Variants in LRCH2 observed in about 807,000 individuals in gnomAD.
LRCH2 encodes the protein leucine rich repeats and calponin homology domain containing 2.
LRCH2 carries 38 observed loss-of-function variants against 68.9 expected under a neutral mutation model. The ratio of observed to expected loss-of-function variants is 0.55; its 90% CI spans 0.43 to 0.72. LRCH2 has a LOEUF of 0.72. Among genes scored for constraint, LRCH2 ranks in the 30% least tolerant of loss-of-function variants. The pLI, the probability that LRCH2 is intolerant of heterozygous loss-of-function variation, is 0.00. For synonymous variants in LRCH2, 191 were observed against 208.1 expected (o/e 0.92, Z 0.71); for missense variants, 528 against 572.9 (o/e 0.92, Z 0.80).
chrX:115,152,617 A>G (rs2072440676), intron 12 of LRCH2, among the ~76,000 whole-genome samples: 1 of 111,793 alleles, frequency 8.9e-6, no homozygotes, highest in African/African-American at 3.2e-5. Flanking sequence ...AATGAATAGA[A>G]CATCAATGTT....
intron 1 of LRCH2, among the ~76,000 whole-genome samples, chrX:115,207,596 A>G (rs2072978283): frequency 9.0e-6 from 1 of 111,581 alleles, no homozygotes; most frequent in Non-Finnish European, 1.9e-5. Flanking sequence ...TCCGTGGGAG[A>G]TTCACTTCAC....
chrX:115,227,439 A>T (rs1376747228), intron 1 of LRCH2, among the ~76,000 whole-genome samples: 1 of 110,262 alleles, frequency 9.1e-6, no homozygotes, highest in Non-Finnish European at 1.9e-5. Flanking sequence ...GAAATCATTA[A>T]CTCACTGAAA....
chrX:115,233,381 T>C (rs2147375914), intron 1 of LRCH2, among the ~76,000 whole-genome samples: 1 of 111,470 alleles, frequency 9.0e-6, no homozygotes, highest in African/African-American at 3.3e-5. Flanking sequence ...TCCAGGAGAG[T>C]TGAAAGAAGT....
rs2072152750 is a variant in LRCH2 at position 115,122,556 on chromosome X, C to A, written c.2149G>T (p.Asp717Tyr). The A allele has an allele frequency of 1.7e-6, 2 of 1,208,512 alleles. No individual in the cohort carries two copies. Among genetic ancestry groups the A allele is most frequent in the Non-Finnish European group, 2.2e-6 (2 of 894,495 alleles). The change falls in exon 20 of 21, where the codon GAT becomes TAT. Residue 717 changes from aspartate (D) to tyrosine (Y), a missense_variant. By Grantham distance (160) the Asp-to-Tyr change is radical (BLOSUM62 -3). Transcript: ENST00000317135. Reference protein sequence around the residue: ...KCRRNVENFLDACKKLGVSQE... With the variant: ...KCRRNVENFLYACKKLGVSQE... ...GAGACACCCAACTTTTTACAAGCATCAAGAAAATTTTCTACATTTCTTCGA... is the reference window on the plus strand; with the variant it reads ...GAGACACCCAACTTTTTACAAGCATAAAGAAAATTTTCTACATTTCTTCGA...
At chrX:115,200,434 T>C (rs2147342821) in intron 1 of LRCH2, among the ~76,000 whole-genome samples, 1 of 108,981 alleles carries the variant, frequency 9.2e-6, no homozygotes, top group East Asian at 2.9e-4. Context: ...CAATGAGAAA[T>C]AAAAAAGGAA....
At chrX:115,114,879 A>G (rs1364437775) in intron 20 of LRCH2, among the ~76,000 whole-genome samples, 1 of 110,778 alleles carries the variant, frequency 9.0e-6, no homozygotes, top group Non-Finnish European at 1.9e-5. Flanking sequence ...TACAAGATCA[A>G]TAAAAGAAAA....
intron 5 of LRCH2, among the ~76,000 whole-genome samples, chrX:115,172,053 C>T (rs782596236): frequency 9.0e-6 from 1 of 111,263 alleles, no homozygotes; most frequent in South Asian, 3.8e-4. Flanking sequence ...TATTTGCCCT[C>T]ATATTTATTA....
At chrX:115,192,017 G>A (rs2072836480) in intron 1 of LRCH2, 3 of 1,166,418 alleles carry the variant, frequency 2.6e-6, no homozygotes, top group African/African-American at 3.6e-5. Flanking sequence ...GGAGGAGGAG[G>A]CCACTACGAA....
chrX:115,190,423 C>T lies in LRCH2; in HGVS notation c.350-2053G>A, dbSNP rs782117071. 8.6e-6 allele frequency: 10 copies of T among 1,163,381 alleles called. No homozygotes were observed. The highest frequency in any genetic ancestry group is 3.3e-5 in the East Asian group (1 of 30,621). On this transcript the variant is annotated intron_variant, in intron 1 of 20. Coordinates refer to ENST00000317135, the MANE Select transcript of LRCH2 (RefSeq NM_020871.4). ...ACCGCCATCTTATGGAGGAGGATGC[C>T]GCTACGAGGAGTACCAGGGCAACTC...
intron 1 of LRCH2, among the ~76,000 whole-genome samples, chrX:115,219,883 T>C (rs186905968): frequency 8.1e-5 from 9 of 111,477 alleles, no homozygotes; most frequent in Non-Finnish European, 1.5e-4. Flanking sequence ...TTGAGACAGA[T>C]TGTGGTTGAG....
At chrX:115,167,314 GA>G (rs1222165289) in intron 6 of LRCH2, among the ~76,000 whole-genome samples, 1 of 105,815 alleles carries the variant, frequency 9.5e-6, no homozygotes, top group Non-Finnish European at 1.9e-5. Flanking sequence ...GTACTATGCT[GA>G]ATGCTTAAGA....
Position 115,203,555 on chromosome X carries a change from T to C in LRCH2, c.350-15185A>G, listed in dbSNP as rs181418002. Among the ~76,000 whole-genome samples, 186 of 112,766 alleles carry C rather than the reference T, an allele frequency of 1.6e-3. 2 individuals carry two copies. The highest frequency in any genetic ancestry group is 4.6e-3 in the Middle Eastern group (1 of 216). On this transcript the variant is annotated intron_variant, in intron 1 of 20. Coordinates refer to ENST00000317135, the MANE Select transcript of LRCH2 (RefSeq NM_020871.4). ...CCTATATACAATGGGGGTACAGGCA[T>C]TGTGTAAATACACACGTTCCAAATG... is the stretch of plus-strand genomic sequence containing the variant.
chrX:115,191,868 C>G (rs781842556), intron 1 of LRCH2: 2 of 1,161,537 alleles, frequency 1.7e-6, no homozygotes, highest in Non-Finnish European at 2.3e-6. Flanking sequence ...CCAGCCGGAA[C>G]GACCCCTGCA....
intron 20 of LRCH2, among the ~76,000 whole-genome samples, chrX:115,117,208 T>C (rs2147339687): frequency 9.0e-6 from 1 of 111,639 alleles, no homozygotes; most frequent in South Asian, 3.7e-4. Flanking sequence ...ATCATTAGTC[T>C]TTAGGAAAAT....
At chrX:115,148,555 A>G (rs1168423256) in intron 14 of LRCH2, among the ~76,000 whole-genome samples, 1 of 111,941 alleles carries the variant, frequency 8.9e-6, no homozygotes, top group Non-Finnish European at 1.9e-5. Context: ...CCCCCATACC[A>G]TCAGTCATTC....
At chrX:115,210,785 A>G (rs1162600762) in intron 1 of LRCH2, among the ~76,000 whole-genome samples, 1 of 111,936 alleles carries the variant, frequency 8.9e-6, no homozygotes, top group Non-Finnish European at 1.9e-5. Context: ...GGAGCTGCTC[A>G]AGACCATAGG....
At position 115,190,553 on chromosome X, in the gene LRCH2, G is replaced by T. The variant is rs1311035958; in HGVS notation, c.350-2183C>A. 3 of 1,166,237 alleles carry T rather than the reference G, an allele frequency of 2.6e-6. No individual in the cohort carries two copies. The African/African-American group carries it at 5.4e-5, about 21-fold the overall frequency. ...CCCAAAGCCTATAGTGGGGGCCGCAGCAGTTCCAGTAACGGTTACAGCCGG... is the reference window on the plus strand; with the variant it reads ...CCCAAAGCCTATAGTGGGGGCCGCATCAGTTCCAGTAACGGTTACAGCCGG... On this transcript the variant is annotated intron_variant, in intron 1 of 20. Transcript: ENST00000317135.
chrX:115,136,727 G>A (rs1473664500), intron 14 of LRCH2, among the ~76,000 whole-genome samples: 1 of 111,718 alleles, frequency 9.0e-6, no homozygotes, highest in Admixed American at 9.6e-5. Flanking sequence ...GTGAATTTTG[G>A]CAGGTAATGA....
rs1375870645 is a variant in LRCH2, at chrX:115,192,741, T to A, written c.350-4371A>T. 1.6e-5 allele frequency: 14 copies of A among 891,439 alleles called. No individual in the cohort carries two copies. The East Asian group carries it at 4.4e-4, about 28-fold the overall frequency. The allele number at this position is 891,439 out of a possible 1,213,427, so 73.5% of individuals were successfully genotyped here. ...ACCCAAGGACTAGTATAAGTAGGAG[T>A]TGTTTTTACCTTTTAAGAATTTCCT... is the stretch of plus-strand genomic sequence containing the variant. On this transcript the variant is annotated intron_variant, in intron 1 of 20. Coordinates refer to ENST00000317135, the MANE Select transcript of LRCH2 (RefSeq NM_020871.4).
Sources: allele counts gnomAD v4.1 joint callset (sites outside exome capture counted in the v4.1 genomes callset), GRCh38; gene constraint gnomAD v4.1.1; transcripts MANE v1.5; gene names NCBI Gene and HGNC (gene_info 2026-07-23, HGNC 2026-07-21).